PCSK5: variants seen among roughly 807,000 people sequenced by gnomAD.
PCSK5 encodes proprotein convertase subtilisin/kexin type 5.
A neutral mutation model predicts 233.2 loss-of-function variants in PCSK5; 129 were observed. That is an observed-to-expected ratio of 0.55 (90% CI 0.48 to 0.64). The LOEUF is 0.64. PCSK5 is among the 30% of genes least tolerant of loss of function. PCSK5 has a pLI of 0.00. For missense variants in PCSK5, 2,076 were observed against 2,430.1 expected (o/e 0.85, Z 3.06); for synonymous variants, 825 against 879.2 (o/e 0.94, Z 1.09).
intron 34 of PCSK5, among the ~76,000 whole-genome samples, chr9:76,335,424 C>G (rs1017403073): frequency 1.3e-5 from 2 of 152,120 alleles, no homozygotes; most frequent in African/African-American, 4.8e-5. Flanking sequence ...TTGGCATAAC[C>G]CTTGTATGTT....
chr9:76,103,599 G>T (rs1831853754), intron 8 of PCSK5, among the ~76,000 whole-genome samples: 2 of 152,170 alleles, frequency 1.3e-5, no homozygotes, highest in Middle Eastern at 3.2e-3. Flanking sequence ...CATCTTAGTG[G>T]AGGCTGTCTA....
intron 14 of PCSK5, among the ~76,000 whole-genome samples, chr9:76,175,975 T>G (rs1449705408): frequency 1.3e-5 from 2 of 152,016 alleles, no homozygotes; most frequent in Non-Finnish European, 2.9e-5. Context: ...GAAAACATAT[T>G]CTCACTTATC....
intron 1 of PCSK5, among the ~76,000 whole-genome samples, chr9:75,901,526 G>T (rs892876650): frequency 6.6e-6 from 1 of 151,756 alleles, no homozygotes; most frequent in Non-Finnish European, 1.5e-5. Flanking sequence ...TGCATGCAGG[G>T]CTTAAAACCT....
At chr9:76,353,793 T>C (rs1244754238) in intron 36 of PCSK5, among the ~76,000 whole-genome samples, 1 of 152,226 alleles carries the variant, frequency 6.6e-6, no homozygotes, top group Non-Finnish European at 1.5e-5. Flanking sequence ...GTTCTAGACG[T>C]CTGCTCTCCC....
At chr9:76,063,484 C>A (rs1189678999) in intron 5 of PCSK5, among the ~76,000 whole-genome samples, 4 of 95,430 alleles carry the variant, frequency 4.2e-5, no homozygotes, top group African/African-American at 8.6e-5. Context: ...CGGCCTTCCG[C>A]AGTGTTTGTG....
At position 76,194,240 on chromosome 9, in the gene PCSK5, AT is replaced by A. The variant is rs550439031; in HGVS notation, c.2626+4504del. On this transcript the variant is annotated intron_variant, in intron 20 of 37. Coordinates refer to ENST00000674117, the MANE Select transcript of PCSK5 (RefSeq NM_001372043.1). ...TTGGTGCTATCTAGCCATTACCCCC[AT>A]TTTTTTTTTAAAGGCCATCTGAAAT... 4.3e-4 allele frequency: 63 copies of A among 145,554 alleles called. No individual in the cohort carries two copies. The South Asian group carries it at 8.3e-3, about 19-fold the overall frequency. 9.0% of individuals were successfully genotyped at this position (145,554 alleles called of 1,614,324 possible).
chr9:75,932,090 T>C (rs974626169), intron 1 of PCSK5, among the ~76,000 whole-genome samples: 1 of 152,214 alleles, frequency 6.6e-6, no homozygotes, highest in African/African-American at 2.4e-5. Flanking sequence ...CTTAAAATGC[T>C]GCATATAAAT....
chr9:76,061,442 AT>A (rs1182450634), intron 5 of PCSK5, among the ~76,000 whole-genome samples: 1 of 152,192 alleles, frequency 6.6e-6, no homozygotes, highest in African/African-American at 2.4e-5. Flanking sequence ...CCAGAGCTGA[AT>A]TTCAAAATAG....
At chr9:76,293,354 C>T (rs749141499) in intron 25 of PCSK5, among the ~76,000 whole-genome samples, 7 of 152,208 alleles carry the variant, frequency 4.6e-5, no homozygotes, top group South Asian at 2.1e-4. Context: ...CTTAGCCTTA[C>T]GGTTTTAATC....
chr9:76,159,925 C>T (rs190396225), intron 12 of PCSK5, among the ~76,000 whole-genome samples: 3 of 147,956 alleles, frequency 2.0e-5, no homozygotes, highest in East Asian at 4.0e-4. Flanking sequence ...CAGGTTCAAG[C>T]GATTCCCCTA....
intron 35 of PCSK5, among the ~76,000 whole-genome samples, chr9:76,349,052 AC>A (rs1319515061): frequency 6.6e-6 from 1 of 152,016 alleles, no homozygotes; most frequent in Non-Finnish European, 1.5e-5. Context: ...TGGGAGGATC[AC>A]CAGGTGATGA....
chr9:76,154,161 T>A (rs1300900357), intron 10 of PCSK5, among the ~76,000 whole-genome samples: 4 of 152,228 alleles, frequency 2.6e-5, no homozygotes, highest in African/African-American at 7.2e-5. Context: ...TTCTTGTTCA[T>A]TAATATTATA....
At chr9:76,226,935 T>G (rs1358156050) in intron 20 of PCSK5, among the ~76,000 whole-genome samples, 1 of 152,186 alleles carries the variant, frequency 6.6e-6, no homozygotes, top group Non-Finnish European at 1.5e-5. Flanking sequence ...AATTTCCAAT[T>G]AAAGGAAGAA....
chr9:76,175,271 G>GGAATGGAATCGAATC (rs1564081347), intron 14 of PCSK5, 142 bp downstream of exon 14: 52 of 517,266 alleles, frequency 1.0e-4, no homozygotes, highest in African/African-American at 9.0e-4. Context: ...GGAATGGAAT[G>GGAATGGAATCGAATC]GAATCGAATC....
intron 16 of PCSK5, among the ~76,000 whole-genome samples, chr9:76,183,886 A>C (rs902508720): frequency 2.0e-5 from 3 of 152,200 alleles, no homozygotes; most frequent in African/African-American, 7.2e-5. Flanking sequence ...CATTAGCAAA[A>C]TTTTATCTAA....
intron 3 of PCSK5, among the ~76,000 whole-genome samples, chr9:75,998,194 C>A (rs923139160): frequency 6.6e-6 from 1 of 152,144 alleles, no homozygotes; most frequent in Non-Finnish European, 1.5e-5. Flanking sequence ...TATTCTCAGT[C>A]ACAGTAAGTC....
intron 10 of PCSK5, among the ~76,000 whole-genome samples, chr9:76,142,235 A>G (rs1318766792): frequency 2.6e-5 from 4 of 151,810 alleles, no homozygotes; most frequent in Admixed American, 2.6e-4. Context: ...CACAATTTCC[A>G]TACTCATTCA....
At chr9:76,177,479 C>A (rs1823664809) in intron 14 of PCSK5, among the ~76,000 whole-genome samples, 1 of 152,132 alleles carries the variant, frequency 6.6e-6, no homozygotes, top group South Asian at 2.1e-4. Context: ...AAACAGATAG[C>A]ATCCTAGAAT....
intron 24 of PCSK5, among the ~76,000 whole-genome samples, chr9:76,276,714 C>T (rs924330720): frequency 6.6e-6 from 1 of 152,172 alleles, no homozygotes; most frequent in African/African-American, 2.4e-5. Flanking sequence ...TCCTCTCCAC[C>T]CCAGTCTCAT....
Sources: allele counts gnomAD v4.1 joint callset (sites outside exome capture counted in the v4.1 genomes callset), GRCh38; gene constraint gnomAD v4.1.1; transcripts MANE v1.5; gene names NCBI Gene and HGNC (gene_info 2026-07-23, HGNC 2026-07-21).